GPR89A: variants seen among roughly 807,000 people sequenced by gnomAD.
GPR89A encodes the protein golgi pH regulator A, also known as G protein-coupled receptor 89A.
Under a neutral mutation model 52.0 loss-of-function variants are expected in GPR89A, and 16 were observed. The observed-to-expected ratio is 0.31, with a 90% CI of 0.21 to 0.47. The LOEUF (loss-of-function observed/expected upper bound fraction) is 0.47, where lower values mean the gene tolerates loss of function less well. GPR89A is among the 20% of genes least tolerant of loss of function. The pLI, the probability that GPR89A is intolerant of heterozygous loss-of-function variation, is 1.00. For synonymous variants in GPR89A, 55 were observed against 150.9 expected, an observed-to-expected ratio of 0.36 and a Z score of 4.66; for missense variants, 135 against 449.4, an observed-to-expected ratio of 0.30 and a Z score of 6.33.
chr1:145,653,340 CTG>C (rs1651592203), intron 10 of GPR89A, among the ~76,000 whole-genome samples: 1 of 114,804 alleles, frequency 8.7e-6, no homozygotes, highest in East Asian at 2.4e-4. Context: ...GTCTGAGAGA[CTG>C]TTATAATTTC....
intron 10 of GPR89A, among the ~76,000 whole-genome samples, chr1:145,650,556 A>C (rs1418638340): frequency 2.0e-5 from 3 of 151,056 alleles, no homozygotes; most frequent in African/African-American, 7.3e-5. Flanking sequence ...TTGAGGAATC[A>C]CCACACTGTC....
chr1:145,657,416 T>C (rs1553694717), intron 10 of GPR89A, among the ~76,000 whole-genome samples: 1 of 149,354 alleles, frequency 6.7e-6, no homozygotes, highest in Non-Finnish European at 1.5e-5. Context: ...TGATTCCATA[T>C]GTATGAGGAT....
chr1:145,661,035 A>G (rs1164316578), intron 10 of GPR89A, among the ~76,000 whole-genome samples: 11 of 152,044 alleles, frequency 7.2e-5, no homozygotes, highest in Non-Finnish European at 1.3e-4. Context: ...TATTGACAAT[A>G]GCAAAGACTT....
In GPR89A at chr1:145,659,481, G is replaced by A. The variant is rs10910846; in HGVS notation, c.910-3848G>A. ...ATTACAGGCATGAGCCACTGCGACC[G>A]GCCTATGTTTAACCTTTTAAAGAAC... On this transcript the variant is annotated intron_variant, in intron 10 of 13. Transcript: ENST00000313835. 4.2e-3 allele frequency among the ~76,000 whole-genome samples: 633 copies of A among 151,688 alleles called. 6 individuals are homozygous for A. Among genetic ancestry groups the A allele is most frequent in the African/African-American group, 0.015 (615 of 41,338 alleles).
chr1:145,650,107 A>G (rs1297587035), intron 10 of GPR89A, among the ~76,000 whole-genome samples: 5 of 152,070 alleles, frequency 3.3e-5, no homozygotes, highest in Non-Finnish European at 7.4e-5. Flanking sequence ...CCCAGCATCC[A>G]TTAGCTATTT....
intron 7 of GPR89A, among the ~76,000 whole-genome samples, chr1:145,640,234 CAG>C (rs1478795453): frequency 2.3e-5 from 2 of 87,890 alleles, no homozygotes; most frequent in Admixed American, 1.3e-4. Flanking sequence ...AAAATTAAAA[CAG>C]ATAATAGACT....
At chr1:145,650,412 T>C (rs1438627211) in intron 10 of GPR89A, among the ~76,000 whole-genome samples, 2 of 152,060 alleles carry the variant, frequency 1.3e-5, no homozygotes, top group African/African-American at 4.8e-5. Context: ...TGATTCTATG[T>C]CTTTGCTATT....
chr1:145,665,399 T>C (rs180823001), intron 11 of GPR89A, among the ~76,000 whole-genome samples, 163 bp from the exon 12 acceptor site: 37 of 152,278 alleles, frequency 2.4e-4, no homozygotes, highest in African/African-American at 8.9e-4. Context: ...TGTAGTTGTT[T>C]TATTTGCCAC....
chr1:145,621,970 A>T (rs1553688202), intron 3 of GPR89A, among the ~76,000 whole-genome samples: 1 of 147,092 alleles, frequency 6.8e-6, no homozygotes, highest in Admixed American at 6.8e-5. Context: ...ACTCTCATAC[A>T]CTCCTGAGGA....
chr1:145,630,149 G>T (rs1254782063), intron 5 of GPR89A, among the ~76,000 whole-genome samples: 4 of 142,888 alleles, frequency 2.8e-5, no homozygotes, highest in Non-Finnish European at 6.1e-5. Context: ...AAACTGATGT[G>T]TTTGCCTTTG....
chr1:145,662,982 A>G (rs1166498401), intron 10 of GPR89A, among the ~76,000 whole-genome samples: 3 of 152,140 alleles, frequency 2.0e-5, no homozygotes, highest in Non-Finnish European at 2.9e-5. Context: ...CATTCAGAAA[A>G]TAACCACAAG....
chr1:145,634,063 T>G (rs1248684274), intron 7 of GPR89A, among the ~76,000 whole-genome samples: 3 of 143,806 alleles, frequency 2.1e-5, no homozygotes, highest in Non-Finnish European at 4.5e-5. Flanking sequence ...ATTCAAAGAA[T>G]GGAATATTGT....
intron 10 of GPR89A, among the ~76,000 whole-genome samples, chr1:145,657,056 A>G (rs1476715056): frequency 6.6e-6 from 1 of 151,724 alleles, no homozygotes; most frequent in East Asian, 1.9e-4. Flanking sequence ...GTGAATTATC[A>G]TTTTTCTATT....
At chr1:145,609,695 A>G (rs1553685779) in intron 1 of GPR89A, among the ~76,000 whole-genome samples, 5 of 152,230 alleles carry the variant, frequency 3.3e-5, no homozygotes, top group Admixed American at 2.0e-4. Flanking sequence ...TATAATTGAT[A>G]CGTTGAACCG....
At chr1:145,664,184 C>A (rs1652400608) in intron 11 of GPR89A, among the ~76,000 whole-genome samples, 1 of 151,696 alleles carries the variant, frequency 6.6e-6, no homozygotes, top group South Asian at 2.1e-4. Flanking sequence ...CCAGACGTGC[C>A]CCTAATCTCA....
intron 1 of GPR89A, among the ~76,000 whole-genome samples, chr1:145,613,741 C>G (rs587769890): frequency 6.6e-6 from 1 of 151,000 alleles, no homozygotes; most frequent in Non-Finnish European, 1.5e-5. Context: ...AAAGCCCTGT[C>G]CTCCTACCCC....
intron 7 of GPR89A, among the ~76,000 whole-genome samples, chr1:145,643,125 G>A (rs1553691992): frequency 6.7e-6 from 1 of 148,444 alleles, no homozygotes; most frequent in African/African-American, 2.5e-5. Flanking sequence ...TCTGTATTTG[G>A]TCCTTTAGTT....
chr1:145,612,989 T>A (rs1211601857), intron 1 of GPR89A, among the ~76,000 whole-genome samples: 1 of 152,022 alleles, frequency 6.6e-6, no homozygotes, highest in East Asian at 1.9e-4. Flanking sequence ...TGTTTTCTTC[T>A]TGGCACATTG....
chr1:145,668,987 GA>G (rs2101850973), intron 12 of GPR89A, among the ~76,000 whole-genome samples: 1 of 151,950 alleles, frequency 6.6e-6, no homozygotes, highest in East Asian at 1.9e-4. Context: ...TTTTATTGAG[GA>G]TTTTTGCATC....
Sources: allele counts gnomAD v4.1 joint callset (sites outside exome capture counted in the v4.1 genomes callset), GRCh38; gene constraint gnomAD v4.1.1; transcripts MANE v1.5; gene names NCBI Gene and HGNC (gene_info 2026-07-23, HGNC 2026-07-21).